The following GRM7 variants were observed in gnomAD, a reference collection of about 807,000 sequenced individuals.
GRM7 encodes glutamate metabotropic receptor 7.
GRM7 carries 35 observed loss-of-function variants against 84.5 expected under a neutral mutation model. The ratio of observed to expected loss-of-function variants is 0.41; its 90% CI spans 0.32 to 0.55. The LOEUF (loss-of-function observed/expected upper bound fraction) is 0.55, where lower values mean the gene tolerates loss of function less well. Among genes scored for constraint, GRM7 ranks in the 20% least tolerant of loss-of-function variants. The probability of loss-of-function intolerance (pLI) is 0.19; values close to 1 mark genes in which losing one functional copy is unlikely to be tolerated. For missense variants in GRM7, 1,003 were observed against 1,194.6 expected, an observed-to-expected ratio of 0.84 and a Z score of 2.36; for synonymous variants, 487 against 455.1, an observed-to-expected ratio of 1.07 and a Z score of -0.89.
At chr3:6,879,410 T>C (rs1695427803) in intron 1 of GRM7, among the ~76,000 whole-genome samples, 1 of 152,226 alleles carries the variant, frequency 6.6e-6, no homozygotes, top group South Asian at 2.1e-4. Context: ...GCGATACATT[T>C]GAAATTTATT....
At position 6,910,697 on chromosome 3, in the gene GRM7, G is replaced by A. The variant is rs546644636; in HGVS notation, c.519+48790G>A. On this transcript the variant is annotated intron_variant, in intron 1 of 9. Transcript: ENST00000357716. ...GGCCAGAAATTCGAGAATGTTCTGGGCAACATAGCAAGAACCCACCTCTTA... is the reference window on the plus strand; with the variant it reads ...GGCCAGAAATTCGAGAATGTTCTGGACAACATAGCAAGAACCCACCTCTTA... Among the ~76,000 whole-genome samples, 3 of 152,180 alleles carry A rather than the reference G, an allele frequency of 2.0e-5. No homozygotes were observed. In the South Asian group the frequency reaches 6.2e-4, roughly 32 times the overall value.
At chr3:7,535,708 G>T (rs1431513803) in intron 7 of GRM7, among the ~76,000 whole-genome samples, 1 of 152,176 alleles carries the variant, frequency 6.6e-6, no homozygotes, top group Non-Finnish European at 1.5e-5. Flanking sequence ...AATTAATATT[G>T]CTCTAACCAT....
chr3:7,213,724 G>T (rs573772339), intron 2 of GRM7, among the ~76,000 whole-genome samples: 7 of 152,116 alleles, frequency 4.6e-5, no homozygotes, highest in Non-Finnish European at 1.0e-4. Flanking sequence ...CTCCAGAGCT[G>T]CCCTGCCTTG....
At chr3:7,048,704 G>T (rs1258733472) in intron 1 of GRM7, among the ~76,000 whole-genome samples, 3 of 151,952 alleles carry the variant, frequency 2.0e-5, no homozygotes, top group African/African-American at 7.2e-5. Context: ...AACAACATAT[G>T]CATTACCTGA....
intron 7 of GRM7, among the ~76,000 whole-genome samples, chr3:7,540,822 G>A (rs1275918490): frequency 3.3e-5 from 5 of 152,112 alleles, no homozygotes; most frequent in Non-Finnish European, 7.4e-5. Context: ...CAGAAGAATG[G>A]ATCATTACAA....
intron 1 of GRM7, among the ~76,000 whole-genome samples, chr3:6,957,712 G>A (rs140767007): frequency 1.2e-3 from 182 of 152,138 alleles, no homozygotes; most frequent in African/African-American, 4.1e-3. Flanking sequence ...CTGCTCTATT[G>A]TCCAAGATAT....
intron 8 of GRM7, among the ~76,000 whole-genome samples, chr3:7,626,371 T>C (rs1215426074): frequency 1.3e-5 from 2 of 152,216 alleles, no homozygotes; most frequent in Non-Finnish European, 2.9e-5. Context: ...CTCTGTAGGC[T>C]CTGAAATCGC....
chr3:7,600,101 C>A (rs1052237836), intron 8 of GRM7, among the ~76,000 whole-genome samples: 3 of 151,970 alleles, frequency 2.0e-5, no homozygotes, highest in Non-Finnish European at 4.4e-5. Context: ...GGATAGGCAT[C>A]CATTTTCATA....
At chr3:7,011,770 T>C (rs1310727823) in intron 1 of GRM7, among the ~76,000 whole-genome samples, 1 of 152,214 alleles carries the variant, frequency 6.6e-6, no homozygotes, top group African/African-American at 2.4e-5. Context: ...AATGGAAGTC[T>C]CTTTTTTTCA....
At chr3:7,502,628 C>T (rs1372840813) in intron 7 of GRM7, among the ~76,000 whole-genome samples, 1 of 152,064 alleles carries the variant, frequency 6.6e-6, no homozygotes, top group East Asian at 1.9e-4. Context: ...GATTGCCCTA[C>T]TTAATAGATT....
chr3:7,064,715 A>G (rs543029868), intron 1 of GRM7, among the ~76,000 whole-genome samples: 1 of 151,544 alleles, frequency 6.6e-6, no homozygotes, highest in South Asian at 2.1e-4. Context: ...GATACCCAGT[A>G]GTGGGATTGC....
chr3:7,194,617 G>A (rs1042858110), intron 2 of GRM7, among the ~76,000 whole-genome samples: 2 of 152,092 alleles, frequency 1.3e-5, no homozygotes, highest in African/African-American at 4.8e-5. Context: ...CCAGCATAAC[G>A]TGGGAAGTAA....
At position 7,591,496 on chromosome 3, in the gene GRM7, G is replaced by T. The variant is rs115544063; in HGVS notation, c.2451+12139G>T. On this transcript the variant is annotated intron_variant, in intron 8 of 9. Transcript: ENST00000357716. ...TGTATATCAAAAGCTTTTAGAATAT[G>T]AATAACTTTTCACCCAGTAGTTCCA... is the stretch of plus-strand genomic sequence containing the variant. 773 of 442,458 alleles carry T rather than the reference G, an allele frequency of 1.7e-3. 6 individuals carry two copies. The highest frequency in any genetic ancestry group is 0.015 in the African/African-American group (729 of 49,430). 27.4% of individuals were successfully genotyped at this position (442,458 alleles called of 1,614,324 possible).
At chr3:7,171,368 AT>A in intron 2 of GRM7, among the ~76,000 whole-genome samples, 1 of 152,262 alleles carries the variant, frequency 6.6e-6, no homozygotes, top group Middle Eastern at 3.4e-3. Flanking sequence ...AATTCTGTTA[AT>A]TTTGGAGAGA....
intron 1 of GRM7, among the ~76,000 whole-genome samples, chr3:7,019,018 AC>A (rs1695675078): frequency 6.6e-6 from 1 of 152,078 alleles, no homozygotes; most frequent in African/African-American, 2.4e-5. Context: ...AAACGCTTGA[AC>A]CCGGGAAGCG....
intron 1 of GRM7, among the ~76,000 whole-genome samples, chr3:7,091,541 G>A (rs1389023861): frequency 1.3e-5 from 2 of 151,718 alleles, no homozygotes; most frequent in Admixed American, 6.6e-5. Context: ...TTTTGGCAGT[G>A]TCTACTCCCT....
At chr3:7,224,209 G>T (rs1311855399) in intron 2 of GRM7, among the ~76,000 whole-genome samples, 1 of 152,184 alleles carries the variant, frequency 6.6e-6, no homozygotes, top group East Asian at 1.9e-4. Context: ...GGAAGCCTGA[G>T]GAAACGTACA....
chr3:7,072,827 G>T (rs752780347), intron 1 of GRM7, among the ~76,000 whole-genome samples: 12 of 152,196 alleles, frequency 7.9e-5, no homozygotes, highest in Non-Finnish European at 1.6e-4. Flanking sequence ...ATTGATGTTT[G>T]CTGTAGGATT....
chr3:7,653,402 G>A (rs1699046733), intron 8 of GRM7, among the ~76,000 whole-genome samples: 1 of 151,958 alleles, frequency 6.6e-6, no homozygotes, highest in Admixed American at 6.6e-5. Flanking sequence ...TCAGATACTT[G>A]TGAAATCCAC....
Sources: gnomAD v4.1 joint callset for allele counts (sites outside exome capture counted in the v4.1 genomes callset) on GRCh38, gnomAD v4.1.1 for gene constraint, MANE v1.5 for transcripts, NCBI Gene and HGNC (gene_info 2026-07-23, HGNC 2026-07-21) for gene names.